DDX23: variants seen among roughly 807,000 people sequenced by gnomAD.
DDX23 encodes the protein DEAD-box helicase 23, also known as probable ATP-dependent RNA helicase DDX23.
In DDX23, 33 loss-of-function variants were observed where a neutral mutation model predicts 102.7. The observed-to-expected ratio is 0.32, with a 90% CI of 0.24 to 0.43. The LOEUF (loss-of-function observed/expected upper bound fraction) is 0.43. DDX23 is among the 20% of genes least tolerant of loss of function. The probability of loss-of-function intolerance (pLI) is 1.00; values close to 1 mark genes in which losing one functional copy is unlikely to be tolerated. For synonymous variants in DDX23, 352 were observed against 376.0 expected (o/e 0.94, Z 0.74); for missense variants, 549 against 1,086.6 (o/e 0.51, Z 6.96).
At chr12:48,835,667 G>A (rs930212228) in intron 11 of DDX23, among the ~76,000 whole-genome samples, 2 of 151,836 alleles carry the variant, frequency 1.3e-5, no homozygotes. Context: ...CCGAGATTGC[G>A]CCATTGCACT....
chr12:48,831,400 G>C, intron 15 of DDX23, 84 bp from the exon 16 acceptor site: 1 of 1,368,634 alleles, frequency 7.3e-7, no homozygotes. Flanking sequence ...CACAGATGAA[G>C]GGAGGGTTGG....
Position 48,831,212 on chromosome 12 carries a change from C to T in DDX23, c.2169G>A (p.Val723=), listed in dbSNP as rs770240138. The T allele has an allele frequency of 6.2e-7, 1 of 1,614,220 alleles. No individual in the cohort carries two copies. Among genetic ancestry groups the T allele is most frequent in the Admixed American group, 1.7e-5 (1 of 60,026 alleles). ...CTTGGATGTCAATACCACGACCAGC[C>T]ACATCTGTAGCCACCAAAATATCCT... ...GAKDILVATD[V]AGRGIDIQDV... is the part of the protein sequence containing the mutation. The change falls in exon 16 of 17, where the codon GTG becomes GTA. Residue 723 remains valine (V), a synonymous_variant. Transcript: ENST00000308025.
chr12:48,839,735 C>A, intron 5 of DDX23, 109 bp downstream of exon 5: 1 of 1,142,904 alleles, frequency 8.7e-7, no homozygotes, highest in Non-Finnish European at 1.3e-6. Flanking sequence ...TCTCAGACTT[C>A]CAGCCTCCAG....
Position 48,830,778 on chromosome 12 carries a change from C to T in DDX23, c.2240-86G>A. 7.4e-7 allele frequency: 1 copy of T among 1,344,976 alleles called. No homozygotes were observed. The allele number at this position is 1,344,976 out of a possible 1,614,324, so 83.3% of individuals were successfully genotyped here. The stretch of plus-strand genomic sequence containing the variant: ...TGCCTCCACTTCTAGAGGCATCCTT[C>T]CCACCCCATCTCCAAAGGCAGGAAT... On this transcript the variant is annotated intron_variant, in intron 16 of 16. Coordinates refer to ENST00000308025, the MANE Select transcript of DDX23 (RefSeq NM_004818.3). This position sits in a 1 kb window ranked among gnomAD's most constrained non-coding sequence, Gnocchi z 4.9.
intron 3 of DDX23, among the ~76,000 whole-genome samples, chr12:48,843,261 C>T (rs1256140132): frequency 2.0e-5 from 3 of 150,624 alleles, no homozygotes; most frequent in Non-Finnish European, 3.0e-5. Flanking sequence ...CCTGCCAAAT[C>T]CCCCTCTGCA....
intron 3 of DDX23, among the ~76,000 whole-genome samples, chr12:48,842,738 C>T (rs1232678523): frequency 6.6e-6 from 1 of 152,024 alleles, no homozygotes; most frequent in East Asian, 1.9e-4. Context: ...CTCTGCCCGG[C>T]CGCCCCTACT....
At chr12:48,837,807 T>C in intron 6 of DDX23, 135 bp downstream of exon 6, 2 of 1,531,558 alleles carry the variant, frequency 1.3e-6, no homozygotes, top group South Asian at 2.6e-5. Context: ...GAAAAATGTT[T>C]TCTCATAAAC....
At chr12:48,831,908 A>G in intron 15 of DDX23, 170 bp downstream of exon 15, 1 of 636,834 alleles carries the variant, frequency 1.6e-6, no homozygotes, top group Non-Finnish European at 2.7e-6. Flanking sequence ...CCAGCAATTG[A>G]TTCCATTCTC....
At position 48,838,031 on chromosome 12, in the gene DDX23, C is replaced by T. The variant is rs1248155927; in HGVS notation, c.530G>A (p.Arg177Gln). 3.7e-6 allele frequency: 6 copies of T among 1,614,212 alleles called. No homozygotes were observed. The highest frequency in any genetic ancestry group is 1.1e-5 in the South Asian group (1 of 91,078). The change falls in exon 6 of 17, where the codon CGG becomes CAG. Residue 177 changes from arginine (R) to glutamine (Q), a missense_variant. By Grantham distance (43) the Arg-to-Gln change is conservative (BLOSUM62 1). Transcript: ENST00000308025. Reference sequence around the variant, plus strand: ...CTGCCGCTCTTCCACCTCCTGCTGCCGTCGCTTTAGAGCTTCAGCCTCTCG... The same window carrying T: ...CTGCCGCTCTTCCACCTCCTGCTGCTGTCGCTTTAGAGCTTCAGCCTCTCG... ...AEREAEALKR[R>Q]QQEVEERQRM...
At chr12:48,842,333 CGGCCGCCCCTACTGGGAAGTGAGG>C (rs1938574814) in intron 3 of DDX23, among the ~76,000 whole-genome samples, 1 of 144,478 alleles carries the variant, frequency 6.9e-6, no homozygotes, top group South Asian at 2.2e-4. Context: ...CGCCTCTGCC[CGGCCGCCCCTACTGGGAAGTGAGG>C]AGCCTCTCTG....
At chr12:48,843,789 C>T in intron 3 of DDX23, 151 bp downstream of exon 3, 2 of 727,704 alleles carry the variant, frequency 2.7e-6, no homozygotes, top group Non-Finnish European at 4.7e-6. Context: ...ACTTCGTGAT[C>T]CACCAGCCTC....
Position 48,830,730 on chromosome 12 carries a change from A to T in DDX23, c.2240-38T>A. ...AAGAACGTCACTCAGCATAGCCCAG[A>T]TGCCCTGGGGAGCCGTGTCTGATGC... On this transcript the variant is annotated intron_variant, in intron 16 of 16. Coordinates refer to ENST00000308025, the MANE Select transcript of DDX23 (RefSeq NM_004818.3). This position sits in a 1 kb window ranked among gnomAD's most constrained non-coding sequence, Gnocchi z 4.9. 6.4e-7 allele frequency: 1 copy of T among 1,556,472 alleles called. No homozygotes were observed. The highest frequency in any genetic ancestry group is 1.2e-5 in the South Asian group (1 of 80,794).
At position 48,832,788 on chromosome 12, in the gene DDX23, T is replaced by C. The variant is rs767910046; in HGVS notation, c.1804-215A>G. 2.1e-5 allele frequency: 13 copies of C among 614,884 alleles called. No homozygotes were observed. The highest frequency in any genetic ancestry group is 3.0e-5 in the Non-Finnish European group (11 of 365,044). The allele number at this position is 614,884 out of a possible 1,614,324, so 38.1% of individuals were successfully genotyped here. On this transcript the variant is annotated intron_variant, in intron 13 of 16. Transcript: ENST00000308025. The surrounding 1 kb of genome is among the most constrained non-coding windows in gnomAD (Gnocchi z 4.4). ...TTCCATCTTATGATGACAGGAAGGA[T>C]TGAGAGCATTTGCTAGCACCTGTGG...
chr12:48,843,642 G>A lies in DDX23; in HGVS notation c.320+298C>T, dbSNP rs111376553. On this transcript the variant is annotated intron_variant, in intron 3 of 16. Coordinates refer to ENST00000308025, the MANE Select transcript of DDX23 (RefSeq NM_004818.3). ...CGACTCACTGCAGGCTCCGCCTCCC[G>A]GGTTCACGCCATTCTCCTACCTCAG... 7.0e-4 allele frequency among the ~76,000 whole-genome samples: 104 copies of A among 149,542 alleles called. 1 individual carries two copies. The highest frequency in any genetic ancestry group is 2.5e-3 in the African/African-American group (100 of 40,676).
At chr12:48,835,579 G>A (rs565891929) in intron 11 of DDX23, among the ~76,000 whole-genome samples, 29 of 151,858 alleles carry the variant, frequency 1.9e-4, no homozygotes, top group Non-Finnish European at 3.4e-4. Context: ...GCATGGTGAC[G>A]GGCACCTATA....
rs1314460751 is a variant in DDX23 at position 48,845,686 on chromosome 12, C to G, written c.97G>C (p.Asp33His). 6.2e-7 allele frequency: 1 copy of G among 1,614,252 alleles called. No individual in the cohort carries two copies. The highest frequency in any genetic ancestry group is 1.3e-5 in the African/African-American group (1 of 75,074). ...SRTPDRERDRDRDRKSSPSKD... is the reference protein window; with the variant it reads ...SRTPDRERDRHRDRKSSPSKD... ...GATGGGGAAGACTTCCGGTCCCGGT[C>G]TCTATCCCGCTCTCTGTCAGGAGTC... The change falls in exon 2 of 17, where the codon GAC becomes CAC. Residue 33 changes from aspartate to histidine, a missense_variant. Coordinates refer to ENST00000308025, the MANE Select transcript of DDX23 (RefSeq NM_004818.3).
Position 48,844,038 on chromosome 12 carries a change from G to A in DDX23, c.222C>T (p.His74=). The stretch of plus-strand genomic sequence containing the variant: ...GCTCCTTATCTCGTTCTCGTTCTTT[G>A]TGCCGTCGTTCTCTGGAAGACCGCA... ...RSKSAERERR[H]KERERDKERD... Residue 74 remains histidine, a synonymous_variant, in exon 3 of 17, where the codon CAC becomes CAT. Transcript: ENST00000308025. 1 of 1,613,836 alleles carries A rather than the reference G, an allele frequency of 6.2e-7. No individual in the cohort carries two copies. Among genetic ancestry groups the A allele is most frequent in the Non-Finnish European group, 8.5e-7 (1 of 1,179,964 alleles).
rs1489965673 is a variant in DDX23, at chr12:48,839,829, C to A, written c.480+15G>T. 6.2e-7 allele frequency: 1 copy of A among 1,613,728 alleles called. No homozygotes were observed. The highest frequency in any genetic ancestry group is 1.7e-5 in the Admixed American group (1 of 59,942). ...GGCAGCCTGAGCCGATGAATGAAGA[C>A]CCTCAAGTACTTACCTTAGCCTCAG... On this transcript the variant is annotated intron_variant, in intron 5 of 16. Coordinates refer to ENST00000308025, the MANE Select transcript of DDX23 (RefSeq NM_004818.3).
chr12:48,830,838 G>GT lies in DDX23; in HGVS notation c.2240-147dup. The GT allele has an allele frequency of 1.1e-6, 1 of 870,478 alleles. No homozygotes were observed. The highest frequency in any genetic ancestry group is 1.8e-5 in the South Asian group (1 of 56,486). The allele number at this position is 870,478 out of a possible 1,614,324, so 53.9% of individuals were successfully genotyped here. A position where few individuals can be genotyped will look rare whatever the true frequency, so the allele number is the denominator to read the frequency against. The stretch of plus-strand genomic sequence containing the variant: ...GCTGCCTGAACCTGAGGCGCCCACA[G>GT]TGCCCTCTCCAGGTGCCCATCTCCC... On this transcript the variant is annotated intron_variant, in intron 16 of 16. Transcript: ENST00000308025. The surrounding 1 kb of genome is among the most constrained non-coding windows in gnomAD (Gnocchi z 4.9).
Sources: gnomAD v4.1 joint callset for allele counts (sites outside exome capture counted in the v4.1 genomes callset) on GRCh38, gnomAD v4.1.1 for gene constraint, Gnocchi (gnomAD v3.1) non-coding constraint, MANE v1.5 for transcripts, NCBI Gene and HGNC (gene_info 2026-07-23, HGNC 2026-07-21) for gene names.